Variants in LRRC17 observed in about 807,000 individuals in gnomAD.
The protein encoded by LRRC17 is leucine-rich repeat-containing protein 17.
A neutral mutation model predicts 41.5 loss-of-function variants in LRRC17; 33 were observed. The observed-to-expected ratio is 0.80, with a 90% CI of 0.60 to 1.06. The LOEUF (loss-of-function observed/expected upper bound fraction) is 1.06, where lower values mean the gene tolerates loss of function less well. Among genes scored for constraint, LRRC17 ranks in the 50% least tolerant of loss-of-function variants. LRRC17 has a pLI of 0.00. For missense variants in LRRC17, 491 were observed against 519.3 expected, an observed-to-expected ratio of 0.95 and a Z score of 0.53; for synonymous variants, 192 against 197.0, an observed-to-expected ratio of 0.97 and a Z score of 0.21.
chr7:102,944,118 G>A, intron 3 of LRRC17, 92 bp from the exon 4 acceptor site: 1 of 952,982 alleles, frequency 1.0e-6, no homozygotes, highest in Non-Finnish European at 1.5e-6. Flanking sequence ...GGAAAATTAA[G>A]CCTCTTTTTA....
intron 3 of LRRC17, among the ~76,000 whole-genome samples, chr7:102,942,614 G>A (rs1403403836): frequency 6.6e-6 from 1 of 152,112 alleles, no homozygotes; most frequent in Non-Finnish European, 1.5e-5. Flanking sequence ...GTAAATCTGT[G>A]AGATCACTGA....
At chr7:102,917,716 T>C (rs10156027) in intron 1 of LRRC17, among the ~76,000 whole-genome samples, 1,868 of 152,246 alleles carry the variant, frequency 0.012, 42 homozygotes, top group African/African-American at 0.043. Flanking sequence ...AAAGACATGA[T>C]AGGAAGATTG....
intron 2 of LRRC17, 113 bp from the exon 3 acceptor site, chr7:102,939,317 T>C (rs1820933667): frequency 1.2e-6 from 1 of 841,490 alleles, no homozygotes; most frequent in Admixed American, 2.7e-5. Flanking sequence ...GCTTTAGATA[T>C]CCCTTTACCC....
intron 1 of LRRC17, among the ~76,000 whole-genome samples, chr7:102,930,201 G>A (rs1334411760): frequency 2.0e-5 from 3 of 152,166 alleles, no homozygotes; most frequent in African/African-American, 7.2e-5. Flanking sequence ...GAGGTAGCAG[G>A]GAGGGGCCAA....
chr7:102,932,008 A>T, intron 1 of LRRC17: 1 of 1,294,518 alleles, frequency 7.7e-7, no homozygotes, highest in South Asian at 1.2e-5. Context: ...TCTTACATTG[A>T]ATGCAATGTA....
chr7:102,934,821 G>A, intron 2 of LRRC17, 136 bp downstream of exon 2: 1 of 831,816 alleles, frequency 1.2e-6, no homozygotes, highest in Non-Finnish European at 1.8e-6. Context: ...TATTGACAAT[G>A]GAATTTACCA....
At chr7:102,939,345 A>G (rs1307012012) in intron 2 of LRRC17, 85 bp from the exon 3 acceptor site, 2 of 1,178,370 alleles carry the variant, frequency 1.7e-6, no homozygotes, top group African/African-American at 3.1e-5. Context: ...TTAAGAGCTG[A>G]TTCTTCAATC....
rs1585015971 is a variant in LRRC17, at chr7:102,934,036, C to T, written c.123C>T (p.Gly41=). ...NHGRAGGGRR[G]SNPVKRYAPG... is the part of the protein sequence containing the mutation. ...GCCGGGCGGGTGGAGGCCGGAGAGG[C>T]TCCAACCCGGTCAAACGCTACGCAC... The change falls in exon 2 of 4, where the codon GGC becomes GGT. Residue 41 remains glycine, a synonymous_variant. Transcript: ENST00000339431. The T allele has an allele frequency of 6.2e-7, 1 of 1,614,100 alleles. No individual in the cohort carries two copies. Among genetic ancestry groups the T allele is most frequent in the Non-Finnish European group, 8.5e-7 (1 of 1,179,948 alleles).
chr7:102,941,799 T>C (rs1355345984), intron 3 of LRRC17, among the ~76,000 whole-genome samples: 1 of 152,032 alleles, frequency 6.6e-6, no homozygotes, highest in Non-Finnish European at 1.5e-5. Context: ...TTAAATGTAT[T>C]AAAGTAATGA....
At position 102,917,876 on chromosome 7, in the gene LRRC17, C is replaced by T. The variant is rs1324694366; in HGVS notation, c.-141+4731C>T. On this transcript the variant is annotated intron_variant, in intron 1 of 3. Transcript: ENST00000339431. ...GGAATAAATAGAAAGTGTTTAGTTC[C>T]GGAAACATTTAGAGGCAACAAATTT... 3.3e-5 allele frequency among the ~76,000 whole-genome samples: 5 copies of T among 152,076 alleles called. No homozygotes were observed. In the South Asian group the frequency reaches 8.3e-4, roughly 25 times the overall value.
intron 1 of LRRC17, among the ~76,000 whole-genome samples, chr7:102,922,935 G>A (rs908158255): frequency 2.0e-5 from 3 of 151,980 alleles, no homozygotes; most frequent in Non-Finnish European, 4.4e-5. Flanking sequence ...CTGAGATCGC[G>A]CCACTGCACT....
chr7:102,913,057 C>A lies in LRRC17; in HGVS notation c.-229C>A. The A allele has an allele frequency of 6.2e-7, 1 of 1,613,814 alleles. No individual in the cohort carries two copies. Among genetic ancestry groups the A allele is most frequent in the Non-Finnish European group, 8.5e-7 (1 of 1,179,882 alleles). Reference sequence around the variant, plus strand: ...TTCTCTGGAGAACTTCCTCACACACCGCAGCAAAGAGAAGACTGAAAGACA... The same window carrying A: ...TTCTCTGGAGAACTTCCTCACACACAGCAGCAAAGAGAAGACTGAAAGACA... On this transcript the variant is annotated 5_prime_UTR_variant, in exon 1 of 4. Coordinates refer to ENST00000339431, the MANE Select transcript of LRRC17 (RefSeq NM_001031692.3).
intron 1 of LRRC17, among the ~76,000 whole-genome samples, chr7:102,920,919 C>T (rs183507790): frequency 2.0e-5 from 3 of 152,074 alleles, no homozygotes; most frequent in Admixed American, 1.3e-4. Context: ...TTTGGGAGGC[C>T]GAGGTGGGCG....
chr7:102,918,970 G>A (rs539120000), intron 1 of LRRC17, among the ~76,000 whole-genome samples: 2 of 152,256 alleles, frequency 1.3e-5, no homozygotes, highest in South Asian at 4.1e-4. Flanking sequence ...GAACTGAGTG[G>A]TATTCAATAT....
intron 1 of LRRC17, among the ~76,000 whole-genome samples, chr7:102,921,357 G>GTA (rs1435603352): frequency 1.3e-5 from 2 of 152,096 alleles, no homozygotes; most frequent in African/African-American, 4.8e-5. Context: ...GAATTTATAT[G>GTA]TATATACACA....
In LRRC17 at chr7:102,944,379, G is replaced by A. The variant is rs1187530743; in HGVS notation, c.1098G>A (p.Lys366=). 1.2e-5 allele frequency: 19 copies of A among 1,613,936 alleles called. No individual in the cohort carries two copies. The highest frequency in any genetic ancestry group is 1.7e-5 in the Admixed American group (1 of 60,000). The change falls in exon 4 of 4, where the codon AAG becomes AAA. Residue 366 remains lysine (K), a synonymous_variant. Transcript: ENST00000339431. The part of the protein sequence containing the change: ...YNIHYLYYWL[K]HHYNVHFNGL... ...TTCACTACCTCTACTACTGGTTAAAGCACCACTACAATGTCCATTTTAATG... is the reference window on the plus strand; with the variant it reads ...TTCACTACCTCTACTACTGGTTAAAACACCACTACAATGTCCATTTTAATG...
In LRRC17 at chr7:102,934,301, A is replaced by T. The variant is rs1819835803; in HGVS notation, c.388A>T (p.Lys130Ter). The T allele has an allele frequency of 6.2e-7, 1 of 1,614,152 alleles. No individual in the cohort carries two copies. The highest frequency in any genetic ancestry group is 2.2e-5 in the East Asian group (1 of 44,882). The change falls in exon 2 of 4, where the codon AAA (lysine) becomes TAA (stop). Residue 130 changes from lysine to a stop codon, truncating the protein, a stop_gained. Transcript: ENST00000339431. LOFTEE classifies it high-confidence loss of function. ...IESEAFFGLNKLTTLLLQHNQ... is the reference protein window; with the variant it reads ...IESEAFFGLN ...GAGTGAGGCGTTCTTTGGTTTAAAC[A>T]AACTCACCACCCTCTTACTGCAGCA...
chr7:102,931,300 CCA>C (rs1444214564), intron 1 of LRRC17, among the ~76,000 whole-genome samples: 1 of 152,188 alleles, frequency 6.6e-6, no homozygotes, highest in African/African-American at 2.4e-5. Flanking sequence ...AGAGGCAAAA[CCA>C]CAGAGGGTCT....
chr7:102,919,958 T>G (rs149282818), intron 1 of LRRC17, among the ~76,000 whole-genome samples: 1 of 152,300 alleles, frequency 6.6e-6, no homozygotes, highest in East Asian at 1.9e-4. Flanking sequence ...AATTACAATA[T>G]TGAGTGCAAA....
Sources: gnomAD v4.1 joint callset for allele counts (sites outside exome capture counted in the v4.1 genomes callset) on GRCh38, gnomAD v4.1.1 for gene constraint, MANE v1.5 for transcripts, NCBI Gene and HGNC (gene_info 2026-07-23, HGNC 2026-07-21) for gene names.